The following TSEN15 variants were observed in gnomAD, a reference collection of about 807,000 sequenced individuals.
TSEN15 encodes tRNA-splicing endonuclease subunit Sen15.
TSEN15 carries 10 observed loss-of-function variants against 20.5 expected under a neutral mutation model. The observed-to-expected ratio is 0.49, with a 90% CI of 0.30 to 0.83. The LOEUF (loss-of-function observed/expected upper bound fraction) is 0.83, where lower values mean the gene tolerates loss of function less well. Among genes scored for constraint, TSEN15 ranks in the 40% least tolerant of loss-of-function variants. The pLI, the probability that TSEN15 is intolerant of heterozygous loss-of-function variation, is 0.06. For synonymous variants in TSEN15, 72 were observed against 80.1 expected (o/e 0.90, Z 0.54); for missense variants, 180 against 218.6 (o/e 0.82, Z 1.11).
chr1:184,086,894 G>A (rs980763691), intron 3 of TSEN15, among the ~76,000 whole-genome samples: 9 of 152,152 alleles, frequency 5.9e-5, no homozygotes, highest in African/African-American at 1.7e-4. Context: ...CTAGGGGGAG[G>A]TGTATTCAAG....
chr1:184,072,381 C>A, intron 4 of TSEN15, 83 bp downstream of exon 4: 1 of 1,262,896 alleles, frequency 7.9e-7, no homozygotes. Flanking sequence ...AAGTCAGTCA[C>A]AGAACTGCCA....
intron 3 of TSEN15, among the ~76,000 whole-genome samples, chr1:184,061,262 G>C (rs912447201): frequency 1.3e-5 from 2 of 152,116 alleles, no homozygotes; most frequent in African/African-American, 4.8e-5. Context: ...CAGCATACCA[G>C]TTGTAAATCA....
chr1:184,070,488 A>G (rs1650841650), intron 3 of TSEN15: 1 of 344,154 alleles, frequency 2.9e-6, no homozygotes, highest in Admixed American at 3.7e-5. Flanking sequence ...CTGACAACAA[A>G]AGATGTAGAT....
chr1:184,059,695 T>TAAAG (rs533359042), intron 3 of TSEN15, among the ~76,000 whole-genome samples: 154 of 152,146 alleles, frequency 1.0e-3, no homozygotes, highest in Non-Finnish European at 1.9e-3. Context: ...TTCAGCGTTC[T>TAAAG]AAGTAGCTGG....
At chr1:184,061,221 A>C (rs1192977959) in intron 3 of TSEN15, among the ~76,000 whole-genome samples, 2 of 152,192 alleles carry the variant, frequency 1.3e-5, no homozygotes, top group African/African-American at 4.8e-5. Context: ...GTTAGAAACA[A>C]ATTACTTGCC....
chr1:184,054,486 G>C (rs763735290), intron 2 of TSEN15, 51 bp downstream of exon 2: 2 of 1,420,480 alleles, frequency 1.4e-6, no homozygotes, highest in African/African-American at 1.4e-5. Context: ...GTAGAGATTT[G>C]GGGGGTTGGA....
chr1:184,089,626 T>C (rs2102904435), intron 3 of TSEN15, among the ~76,000 whole-genome samples: 1 of 152,150 alleles, frequency 6.6e-6, no homozygotes, highest in East Asian at 1.9e-4. Context: ...AAAGTAGATC[T>C]CATATTTAAT....
intron 3 of TSEN15, among the ~76,000 whole-genome samples, chr1:184,057,516 T>C (rs1382406127): frequency 6.6e-6 from 1 of 152,162 alleles, no homozygotes; most frequent in Non-Finnish European, 1.5e-5. Flanking sequence ...TGGGTTCTAG[T>C]CTTGGGACTG....
In TSEN15 at chr1:184,059,032, C is replaced by CTT. The variant is rs34067689; in HGVS notation, c.353+4184_353+4185dup. ...GCACTGAATATTCGCTTAGAAAATA[C>CTT]TTTTTTTTTTTTTTTTGGTAATTGT... On this transcript the variant is annotated intron_variant, in intron 3 of 4. Transcript: ENST00000645668. Among the ~76,000 whole-genome samples the CTT allele has an allele frequency of 2.0e-3, 261 of 129,584 alleles. 3 individuals carry two copies. Among genetic ancestry groups the CTT allele is most frequent in the African/African-American group, 6.9e-3 (241 of 35,132 alleles). The allele number at this position is 129,584 out of a possible 152,430, so 85.0% of individuals were successfully genotyped here.
At chr1:184,055,980 A>T (rs552679304) in intron 3 of TSEN15, among the ~76,000 whole-genome samples, 30 of 151,720 alleles carry the variant, frequency 2.0e-4, no homozygotes, top group African/African-American at 5.1e-4. Flanking sequence ...AACTTTAATT[A>T]AAAAATCTTA....
chr1:184,095,973 C>T (rs997158154), exon 4 of TSEN15: 13 of 376,696 alleles, frequency 3.5e-5, no homozygotes, highest in African/African-American at 6.2e-5. Flanking sequence ...TTGATAATGG[C>T]ACTATCAATA....
At chr1:184,059,798 T>A (rs1238653577) in intron 3 of TSEN15, among the ~76,000 whole-genome samples, 1 of 152,252 alleles carries the variant, frequency 6.6e-6, no homozygotes, top group Non-Finnish European at 1.5e-5. Flanking sequence ...CTCGAACTCC[T>A]GACCTCAAGT....
At chr1:184,096,701 A>C (rs1651458871) in exon 4 of TSEN15, 1 of 154,282 alleles carries the variant, frequency 6.5e-6, no homozygotes, top group South Asian at 2.1e-4. Context: ...TGGCTGGGGA[A>C]GCCTCACAAT....
rs58463457 is a variant in TSEN15 at position 184,067,941 on chromosome 1, AATATAT to A, written c.354-4191_354-4186del. Among the ~76,000 whole-genome samples the A allele has an allele frequency of 3.4e-3, 327 of 95,524 alleles. 3 individuals are homozygous for A. Among genetic ancestry groups the A allele is most frequent in the East Asian group, 4.9e-3 (17 of 3,460 alleles). 62.7% of individuals were successfully genotyped at this position (95,524 alleles called of 152,430 possible). ...CTCTCTCTCAAAAAAAAAAAAAAAA[AATATAT>A]ATATATATATATATATATATATATG... On this transcript the variant is annotated intron_variant, in intron 3 of 4. Coordinates refer to ENST00000645668, the MANE Select transcript of TSEN15 (RefSeq NM_052965.4).
chr1:184,088,013 T>C (rs1651294544), intron 3 of TSEN15, among the ~76,000 whole-genome samples: 1 of 152,156 alleles, frequency 6.6e-6, no homozygotes, highest in Non-Finnish European at 1.5e-5. Context: ...CAAGGCTTCG[T>C]AATTTTATGA....
chr1:184,086,398 A>T (rs898871103), intron 3 of TSEN15, among the ~76,000 whole-genome samples: 1 of 152,164 alleles, frequency 6.6e-6, no homozygotes, highest in African/African-American at 2.4e-5. Flanking sequence ...TGGGGAAGAT[A>T]TAGGGTATGG....
In TSEN15 at chr1:184,054,718, G is replaced by A; in HGVS notation, c.218-10G>A. ...TAAACATTATTGTCCATTCAATGATGCTCTTTCAGGCAAAAGCTGGCATGA... is the reference window on the plus strand; with the variant it reads ...TAAACATTATTGTCCATTCAATGATACTCTTTCAGGCAAAAGCTGGCATGA... On this transcript the variant is annotated splice_polypyrimidine_tract_variant and intron_variant, in intron 2 of 4. Coordinates refer to ENST00000645668, the MANE Select transcript of TSEN15 (RefSeq NM_052965.4). 2 of 1,609,978 alleles carry A rather than the reference G, an allele frequency of 1.2e-6. No individual in the cohort carries two copies. Among genetic ancestry groups the A allele is most frequent in the Non-Finnish European group, 1.7e-6 (2 of 1,179,092 alleles).
intron 1 of TSEN15, 25 bp downstream of exon 1, chr1:184,051,915 G>C (rs1650064594): frequency 1.3e-6 from 2 of 1,511,002 alleles, no homozygotes; most frequent in East Asian, 2.6e-5. Flanking sequence ...GAGGAGCAGG[G>C]CGCCGTCCAG....
chr1:184,071,134 G>A (rs975757952), intron 3 of TSEN15: 1 of 151,980 alleles, frequency 6.6e-6, no homozygotes, highest in African/African-American at 2.4e-5. Flanking sequence ...TAAACATAAA[G>A]GTGTACTACT....
Sources: gnomAD v4.1 joint callset for allele counts (sites outside exome capture counted in the v4.1 genomes callset) on GRCh38, gnomAD v4.1.1 for gene constraint, MANE v1.5 for transcripts, NCBI Gene and HGNC (gene_info 2026-07-23, HGNC 2026-07-21) for gene names.